The following MCTP1 variants were observed in gnomAD, a reference collection of about 807,000 sequenced individuals.
MCTP1 encodes the protein multiple C2 and transmembrane domain-containing protein 1.
A neutral mutation model predicts 120.6 loss-of-function variants in MCTP1; 69 were observed. The ratio of observed to expected loss-of-function variants is 0.57; its 90% CI spans 0.47 to 0.70. The LOEUF (loss-of-function observed/expected upper bound fraction) is 0.70, where lower values mean the gene tolerates loss of function less well. Ranked by LOEUF, MCTP1 falls within the 30% of genes least tolerant of loss-of-function variation. MCTP1 has a pLI of 0.00. For synonymous variants in MCTP1, 529 were observed against 493.1 expected (o/e 1.07, Z -0.96); for missense variants, 1,203 against 1,248.8 (o/e 0.96, Z 0.55).
At chr5:94,828,688 A>G (rs1406455490) in intron 17 of MCTP1, among the ~76,000 whole-genome samples, 1 of 152,212 alleles carries the variant, frequency 6.6e-6, no homozygotes, top group African/African-American at 2.4e-5. Context: ...GTCTGGCTAC[A>G]GTAGCTTTGC....
intron 17 of MCTP1, among the ~76,000 whole-genome samples, chr5:94,813,738 A>G (rs556856044): frequency 6.6e-6 from 1 of 152,180 alleles, no homozygotes; most frequent in African/African-American, 2.4e-5. Context: ...AATTTTAAAA[A>G]TTAGCTGGGA....
intron 9 of MCTP1, among the ~76,000 whole-genome samples, chr5:94,910,227 T>C (rs1396595418): frequency 1.3e-5 from 2 of 151,254 alleles, no homozygotes; most frequent in Admixed American, 6.6e-5. Flanking sequence ...TGTATACATA[T>C]ATGTATGTAT....
At chr5:94,930,036 T>C (rs2153476963) in intron 6 of MCTP1, among the ~76,000 whole-genome samples, 1 of 152,232 alleles carries the variant, frequency 6.6e-6, no homozygotes, top group Middle Eastern at 3.4e-3. Flanking sequence ...AGGAATTCTG[T>C]ATCTTCAGTT....
At chr5:95,010,776 T>G (rs953031271) in intron 2 of MCTP1, among the ~76,000 whole-genome samples, 2 of 152,096 alleles carry the variant, frequency 1.3e-5, no homozygotes, top group African/African-American at 4.8e-5. Context: ...GGCGGAGAAG[T>G]CTGCAGTGAA....
intron 1 of MCTP1, among the ~76,000 whole-genome samples, chr5:95,090,303 T>C (rs577604895): frequency 6.6e-6 from 1 of 152,308 alleles, no homozygotes; most frequent in South Asian, 2.1e-4. Context: ...AGCTTTCTTT[T>C]TGGCCAATAC....
intron 17 of MCTP1, among the ~76,000 whole-genome samples, chr5:94,829,825 G>A (rs760636379): frequency 6.6e-6 from 1 of 152,188 alleles, no homozygotes; most frequent in Admixed American, 6.5e-5. Context: ...CTCTCAGAAT[G>A]AGTTTTTTTC....
chr5:95,061,259 A>T (rs1321255109), intron 1 of MCTP1, among the ~76,000 whole-genome samples: 1 of 151,896 alleles, frequency 6.6e-6, no homozygotes, highest in Non-Finnish European at 1.5e-5. Context: ...AGCAAAAGAG[A>T]TAAATAAGGG....
At chr5:95,195,784 T>C (rs1750321007) in intron 1 of MCTP1, among the ~76,000 whole-genome samples, 1 of 152,010 alleles carries the variant, frequency 6.6e-6, no homozygotes, top group Non-Finnish European at 1.5e-5. Context: ...TAGCTCTTGG[T>C]GGGAAGAATA....
chr5:95,046,003 T>C (rs1843071908), intron 1 of MCTP1, among the ~76,000 whole-genome samples: 1 of 152,180 alleles, frequency 6.6e-6, no homozygotes, highest in African/African-American at 2.4e-5. Context: ...GAGAATTTAA[T>C]GAGTTCATAA....
intron 12 of MCTP1, among the ~76,000 whole-genome samples, chr5:94,888,256 T>G (rs2153383331): frequency 6.6e-6 from 1 of 152,346 alleles, no homozygotes; most frequent in East Asian, 1.9e-4. Flanking sequence ...TTTGTTAATA[T>G]GTTACAGAAA....
intron 18 of MCTP1, among the ~76,000 whole-genome samples, chr5:94,788,318 A>G (rs1289113382): frequency 6.6e-6 from 1 of 152,218 alleles, no homozygotes; most frequent in Non-Finnish European, 1.5e-5. Flanking sequence ...ACACAAGGGT[A>G]GAAACACCTT....
rs373143857 is a variant in MCTP1, at chr5:94,887,841, CT to C, written c.1933+1037del. Reference sequence around the variant, plus strand: ...AATATTGCAGTTTTGGAACAAACATCTGCTATTTTTCATTTGAAGGCATGTT... The same window carrying C: ...AATATTGCAGTTTTGGAACAAACATCGCTATTTTTCATTTGAAGGCATGTT... On this transcript the variant is annotated intron_variant, in intron 12 of 22. Coordinates refer to ENST00000515393, the MANE Select transcript of MCTP1 (RefSeq NM_024717.7). Among the ~76,000 whole-genome samples the C allele has an allele frequency of 7.6e-4, 116 of 152,226 alleles. 4 individuals are homozygous for C. In the East Asian group the frequency reaches 0.018, roughly 24 times the overall value.
At chr5:94,988,049 G>A (rs1290399403) in intron 2 of MCTP1, among the ~76,000 whole-genome samples, 1 of 152,062 alleles carries the variant, frequency 6.6e-6, no homozygotes, top group Admixed American at 6.6e-5. Context: ...ATTACGAATA[G>A]GTTCTATGGA....
intron 11 of MCTP1, among the ~76,000 whole-genome samples, chr5:94,893,126 G>T (rs1402501451): frequency 2.0e-5 from 3 of 151,982 alleles, no homozygotes. Flanking sequence ...ACATTTTATT[G>T]AAAAAAGACA....
intron 17 of MCTP1, among the ~76,000 whole-genome samples, chr5:94,858,640 T>G (rs929349557): frequency 1.8e-4 from 27 of 151,682 alleles, no homozygotes; most frequent in African/African-American, 6.5e-4. Context: ...AAGCTTCCAT[T>G]ACTAGTCATT....
chr5:95,249,281 T>A (rs1757136738), intron 1 of MCTP1, among the ~76,000 whole-genome samples: 1 of 152,020 alleles, frequency 6.6e-6, no homozygotes, highest in Non-Finnish European at 1.5e-5. Flanking sequence ...AGGGCTAATA[T>A]TCAGAATCTA....
rs543562427 is a variant in MCTP1, at chr5:95,011,922, C to G, written c.838+5445G>C. On this transcript the variant is annotated intron_variant, in intron 2 of 22. Transcript: ENST00000515393. ...CAATGTTTGGGCACTCCCTTACTTT[C>G]TGGCACTGCAAAAATGATCCAGGCT... is the stretch of plus-strand genomic sequence containing the variant. Among the ~76,000 whole-genome samples the G allele has an allele frequency of 3.9e-5, 6 of 152,194 alleles. No individual in the cohort carries two copies. In the South Asian group the frequency reaches 1.2e-3, roughly 32 times the overall value.
intron 1 of MCTP1, chr5:95,038,094 G>A (rs1187878154): frequency 2.1e-5 from 21 of 983,238 alleles, no homozygotes; most frequent in South Asian, 4.7e-5. Context: ...TCAAACATTC[G>A]AACAATCTCA....
At chr5:94,794,317 A>C (rs1402380239) in intron 18 of MCTP1, among the ~76,000 whole-genome samples, 2 of 152,262 alleles carry the variant, frequency 1.3e-5, no homozygotes, top group Non-Finnish European at 2.9e-5. Context: ...GTCAGCTTTG[A>C]TGGACTCTTC....
Sources: gnomAD v4.1 joint callset for allele counts (sites outside exome capture counted in the v4.1 genomes callset) on GRCh38, gnomAD v4.1.1 for gene constraint, MANE v1.5 for transcripts, NCBI Gene and HGNC (gene_info 2026-07-23, HGNC 2026-07-21) for gene names.